KIDINS220: variants seen among roughly 807,000 people sequenced by gnomAD.
KIDINS220 encodes the protein kinase D-interacting substrate of 220 kDa.
Under a neutral mutation model 157.6 loss-of-function variants are expected in KIDINS220, and 63 were observed. That is an observed-to-expected ratio of 0.40 (90% CI 0.33 to 0.49). The LOEUF is 0.49. Ranked by LOEUF, KIDINS220 falls within the 20% of genes least tolerant of loss-of-function variation. KIDINS220 has a pLI of 0.66. For missense variants in KIDINS220, 1,772 were observed against 2,171.2 expected (o/e 0.82, Z 3.65); for synonymous variants, 732 against 783.6 (o/e 0.93, Z 1.10).
intron 8 of KIDINS220, among the ~76,000 whole-genome samples, chr2:8,800,956 A>G (rs1674609744): frequency 6.6e-6 from 1 of 152,220 alleles, no homozygotes; most frequent in South Asian, 2.1e-4. Context: ...GTGAATCTAC[A>G]GCCACATTCA....
At chr2:8,742,231 A>G (rs922835098) in intron 26 of KIDINS220, among the ~76,000 whole-genome samples, 5 of 149,552 alleles carry the variant, frequency 3.3e-5, no homozygotes, top group Admixed American at 6.7e-5. Flanking sequence ...AAGTAGGGGG[A>G]CTTCAGGTGT....
rs1243367956 is a variant in KIDINS220 at position 8,772,473 on chromosome 2, C to CA, written c.2849-1642_2849-1641insT. ...CCTGGAGGACAGAGCGAGACTATCTCGAAAAAAAACAAAAAAAAGCATGAG... is the reference window on the plus strand; with the variant it reads ...CCTGGAGGACAGAGCGAGACTATCTCAGAAAAAAAACAAAAAAAAGCATGAG... On this transcript the variant is annotated intron_variant, in intron 21 of 29. Coordinates refer to ENST00000256707, the MANE Select transcript of KIDINS220 (RefSeq NM_020738.4). Among the ~76,000 whole-genome samples, 379 of 143,874 alleles carry CA rather than the reference C, an allele frequency of 2.6e-3. 3 individuals are homozygous for CA. The highest frequency in any genetic ancestry group is 7.9e-3 in the African/African-American group (307 of 38,692). 94.4% of individuals were successfully genotyped at this position (143,874 alleles called of 152,430 possible).
At chr2:8,732,714 C>A (rs1332405918) in intron 29 of KIDINS220, among the ~76,000 whole-genome samples, 1 of 152,166 alleles carries the variant, frequency 6.6e-6, no homozygotes, top group African/African-American at 2.4e-5. Context: ...GGGACCTTCT[C>A]AAGGAAATAG....
At position 8,731,464 on chromosome 2, in the gene KIDINS220, A is replaced by G; in HGVS notation, c.4572T>C (p.Asp1524=). 3 of 1,614,104 alleles carry G rather than the reference A, an allele frequency of 1.9e-6. No homozygotes were observed. Among genetic ancestry groups the G allele is most frequent in the Non-Finnish European group, 2.5e-6 (3 of 1,180,040 alleles). Reference sequence around the variant, plus strand: ...TATCTGATTCTTCTGTGCCAGATTCATCCTCGTCACTTGGGAGTTTTTGAT... The same window carrying G: ...TATCTGATTCTTCTGTGCCAGATTCGTCCTCGTCACTTGGGAGTTTTTGAT... ...LRYQKLPSDE[D]ESGTEESDNT... Residue 1524 remains aspartate, a synonymous_variant, in exon 30 of 30, where the codon GAT becomes GAC. Coordinates refer to ENST00000256707, the MANE Select transcript of KIDINS220 (RefSeq NM_020738.4). The surrounding 1 kb of genome is among the most constrained non-coding windows in gnomAD (Gnocchi z 5.2).
intron 2 of KIDINS220, chr2:8,825,814 G>T (rs1307472966): frequency 2.6e-5 from 4 of 152,124 alleles, no homozygotes; most frequent in African/African-American, 4.8e-5. Flanking sequence ...TGCCGGACGC[G>T]ATGGCTCACA....
intron 10 of KIDINS220, 93 bp downstream of exon 10, chr2:8,798,109 A>T: frequency 1.4e-6 from 1 of 714,026 alleles, no homozygotes; most frequent in Non-Finnish European, 2.4e-6. Flanking sequence ...AATCAGTGTA[A>T]CTCTAACATC....
At chr2:8,770,875 G>T in intron 21 of KIDINS220, 43 bp from the exon 22 acceptor site, 1 of 1,268,052 alleles carries the variant, frequency 7.9e-7, no homozygotes, top group Non-Finnish European at 1.1e-6. Flanking sequence ...ATAGATGTGT[G>T]ATAGTATGTT....
chr2:8,763,401 A>G (rs1335539382), intron 22 of KIDINS220, among the ~76,000 whole-genome samples: 1 of 152,192 alleles, frequency 6.6e-6, no homozygotes, highest in African/African-American at 2.4e-5. Context: ...TGCTCCAGTG[A>G]GCATTTCCTT....
intron 29 of KIDINS220, among the ~76,000 whole-genome samples, chr2:8,732,800 C>T (rs1481751396): frequency 6.6e-6 from 1 of 152,152 alleles, no homozygotes; most frequent in Non-Finnish European, 1.5e-5. Context: ...TTACTCGCTG[C>T]CGCCCGCTGT....
chr2:8,731,330 G>A lies in KIDINS220; in HGVS notation c.4706C>T (p.Ala1569Val). Reference sequence around the variant, plus strand: ...GAGCGCATCCGATAAATACTCTTTGGCTTTAATGAAGGTTCTGATCGGCTC... The same window carrying A: ...GAGCGCATCCGATAAATACTCTTTGACTTTAATGAAGGTTCTGATCGGCTC... ...SAEPIRTFIK[A>V]KEYLSDALLD... is the part of the protein sequence containing the mutation. The change falls in exon 30 of 30, where the codon GCC becomes GTC. Residue 1569 changes from alanine (A) to valine (V), a missense_variant. This residue lies in a region of KIDINS220 where 793 missense variants were observed against 885.5 expected (regional missense o/e 0.90). Transcript: ENST00000256707. The surrounding 1 kb of genome is among the most constrained non-coding windows in gnomAD (Gnocchi z 5.2). 1 of 1,614,176 alleles carries A rather than the reference G, an allele frequency of 6.2e-7. No individual in the cohort carries two copies. The highest frequency in any genetic ancestry group is 1.3e-5 in the African/African-American group (1 of 75,042).
At chr2:8,808,934 T>C (rs1238252878) in intron 6 of KIDINS220, among the ~76,000 whole-genome samples, 2 of 152,232 alleles carry the variant, frequency 1.3e-5, no homozygotes, top group African/African-American at 4.8e-5. Flanking sequence ...GTTTCTGCTA[T>C]AAACATTACA....
intron 1 of KIDINS220, among the ~76,000 whole-genome samples, chr2:8,837,085 G>A (rs1558520113): frequency 6.6e-6 from 1 of 152,100 alleles, no homozygotes; most frequent in Admixed American, 6.5e-5. Flanking sequence ...CTAGGAGGAG[G>A]AACCTAGAAA....
chr2:8,751,761 T>C, intron 22 of KIDINS220, 117 bp from the exon 23 acceptor site: 1 of 717,714 alleles, frequency 1.4e-6, no homozygotes. Context: ...ATGGATTTGG[T>C]CTAATTACAC....
chr2:8,819,797 C>G (rs932443729), intron 2 of KIDINS220, among the ~76,000 whole-genome samples: 3 of 151,920 alleles, frequency 2.0e-5, no homozygotes, highest in Non-Finnish European at 4.4e-5. Flanking sequence ...TGCACTCCAG[C>G]CTGGGTGACA....
intron 18 of KIDINS220, 84 bp downstream of exon 18, chr2:8,779,590 C>T: frequency 1.4e-6 from 2 of 1,430,506 alleles, no homozygotes; most frequent in Non-Finnish European, 9.4e-7. Flanking sequence ...CAATTCCGTT[C>T]TATTTTTAGA....
At chr2:8,800,158 T>A (rs1245539294) in intron 9 of KIDINS220, 2 of 395,520 alleles carry the variant, frequency 5.1e-6, no homozygotes, top group Non-Finnish European at 9.0e-6. Context: ...TACCCATTAG[T>A]AAGGACAGTA....
intron 22 of KIDINS220, among the ~76,000 whole-genome samples, chr2:8,752,299 G>A (rs1488409169): frequency 2.0e-5 from 3 of 152,092 alleles, no homozygotes. Context: ...TTACAGGCAT[G>A]AGCCACCTCA....
intron 2 of KIDINS220, among the ~76,000 whole-genome samples, chr2:8,824,612 C>CG (rs1678473208): frequency 6.6e-6 from 1 of 152,036 alleles, no homozygotes; most frequent in Admixed American, 6.6e-5. Context: ...CCTGGGAGGT[C>CG]GAGGCTGCAG....
chr2:8,796,581 G>A (rs772742631), intron 11 of KIDINS220, among the ~76,000 whole-genome samples, 190 bp downstream of exon 11: 7 of 152,124 alleles, frequency 4.6e-5, no homozygotes, highest in Non-Finnish European at 1.0e-4. Context: ...AAGCAGCTGC[G>A]TTAATAGCAC....
Sources: allele counts gnomAD v4.1 joint callset (sites outside exome capture counted in the v4.1 genomes callset), GRCh38; gene constraint gnomAD v4.1.1; regional missense constraint gnomAD v4.1.1; non-coding constraint Gnocchi (gnomAD v3.1); transcripts MANE v1.5; gene names NCBI Gene and HGNC (gene_info 2026-07-23, HGNC 2026-07-21).